The following DACH2 variants were observed in gnomAD, a reference collection of about 807,000 sequenced individuals.
DACH2 encodes the protein dachshund homolog 2.
DACH2 carries 17 observed loss-of-function variants against 35.8 expected under a neutral mutation model. The ratio of observed to expected loss-of-function variants is 0.48; its 90% CI spans 0.33 to 0.71. The LOEUF (loss-of-function observed/expected upper bound fraction) is 0.71, where lower values mean the gene tolerates loss of function less well. DACH2 is among the 30% of genes least tolerant of loss of function. The probability of loss-of-function intolerance (pLI) is 0.02; values close to 1 mark genes in which losing one functional copy is unlikely to be tolerated. For missense variants in DACH2, 469 were observed against 472.7 expected, an observed-to-expected ratio of 0.99 and a Z score of 0.07; for synonymous variants, 195 against 177.3, an observed-to-expected ratio of 1.10 and a Z score of -0.79.
intron 2 of DACH2, among the ~76,000 whole-genome samples, chrX:86,496,262 AACTAATTCTTTTAT>A (rs1390771217): frequency 1.7e-4 from 19 of 112,067 alleles, no homozygotes; most frequent in African/African-American, 5.8e-4. Context: ...AAATATAATA[AACTAATTCTTTTAT>A]ACTAATTCTT....
intron 2 of DACH2, among the ~76,000 whole-genome samples, chrX:86,479,386 G>A (rs1390706043): frequency 9.0e-6 from 1 of 110,624 alleles, no homozygotes; most frequent in African/African-American, 3.3e-5. Flanking sequence ...GTACCCCACC[G>A]TTTTCTACCC....
chrX:86,314,876 A>T (rs2034868112), intron 1 of DACH2, among the ~76,000 whole-genome samples: 1 of 112,261 alleles, frequency 8.9e-6, no homozygotes, highest in Admixed American at 9.5e-5. Context: ...TCAGTTCATG[A>T]GGACTTAAGG....
intron 6 of DACH2, among the ~76,000 whole-genome samples, chrX:86,723,655 A>T (rs2148467241): frequency 8.9e-6 from 1 of 111,803 alleles, no homozygotes; most frequent in Admixed American, 9.5e-5. Flanking sequence ...GTCTGAGAAG[A>T]TGCTGGATAT....
At chrX:86,758,164 T>C (rs2041846822) in intron 7 of DACH2, among the ~76,000 whole-genome samples, 1 of 111,679 alleles carries the variant, frequency 9.0e-6, no homozygotes, top group African/African-American at 3.3e-5. Flanking sequence ...TCCTGGTTAA[T>C]GTAGCAAGTG....
At chrX:86,300,287 A>G (rs1212248689) in intron 1 of DACH2, among the ~76,000 whole-genome samples, 1 of 112,153 alleles carries the variant, frequency 8.9e-6, no homozygotes, top group Non-Finnish European at 1.9e-5. Context: ...ATTTAATTTC[A>G]TACTGATAAA....
chrX:86,585,270 G>A (rs181505320), intron 3 of DACH2, among the ~76,000 whole-genome samples: 132 of 111,006 alleles, frequency 1.2e-3, no homozygotes, highest in African/African-American at 4.0e-3. Context: ...ACATTCTCAC[G>A]ATCATTGTAA....
At chrX:86,594,282 T>A (rs1402695935) in intron 3 of DACH2, among the ~76,000 whole-genome samples, 2 of 111,902 alleles carry the variant, frequency 1.8e-5, no homozygotes, top group African/African-American at 6.5e-5. Flanking sequence ...GTTTTATTGA[T>A]TTTTTTCAGA....
chrX:86,617,411 C>T (rs2040018699), intron 3 of DACH2, among the ~76,000 whole-genome samples: 3 of 110,954 alleles, frequency 2.7e-5, no homozygotes, highest in Admixed American at 9.6e-5. Context: ...GCTACAAGCA[C>T]GAGATGTTTT....
At chrX:86,519,547 CTATT>C (rs1415312295) in intron 3 of DACH2, among the ~76,000 whole-genome samples, 3 of 111,347 alleles carry the variant, frequency 2.7e-5, no homozygotes, top group Admixed American at 9.5e-5. Flanking sequence ...GGTTGGGAGG[CTATT>C]TATTATGGAT....
chrX:86,206,942 T>G (rs112064187), intron 1 of DACH2, among the ~76,000 whole-genome samples: 2 of 111,872 alleles, frequency 1.8e-5, no homozygotes, highest in African/African-American at 6.5e-5. Flanking sequence ...TAAATCTTTT[T>G]TGTAATACAT....
At chrX:86,721,478 A>G (rs1926138446) in intron 6 of DACH2, among the ~76,000 whole-genome samples, 1 of 111,407 alleles carries the variant, frequency 9.0e-6, no homozygotes, top group Non-Finnish European at 1.9e-5. Flanking sequence ...TTTTATCTCC[A>G]TCTAAGACCA....
Position 86,527,447 on chromosome X carries a change from G to T in DACH2, c.640+13056G>T, listed in dbSNP as rs2038650290. ...ATTTTATATAAAGAGATTATGTAGA[G>T]AATGCACTATTTTTTGTCTGACTTC... On this transcript the variant is annotated intron_variant, in intron 3 of 11. Transcript: ENST00000373125. Among the ~76,000 whole-genome samples the T allele has an allele frequency of 5.3e-5, 6 of 112,185 alleles. No homozygotes were observed. In the South Asian group the frequency reaches 1.8e-3, roughly 34 times the overall value.
intron 3 of DACH2, among the ~76,000 whole-genome samples, chrX:86,547,878 G>C (rs2038997406): frequency 8.9e-6 from 1 of 112,168 alleles, no homozygotes; most frequent in African/African-American, 3.2e-5. Context: ...GAAAGCTGCT[G>C]TTCTTGTTAC....
At chrX:86,732,625 A>G (rs1206113372) in intron 6 of DACH2, among the ~76,000 whole-genome samples, 1 of 111,976 alleles carries the variant, frequency 8.9e-6, no homozygotes, top group Non-Finnish European at 1.9e-5. Flanking sequence ...GTCCCAATGA[A>G]ATGGAGATGC....
At chrX:86,533,329 A>G (rs2038751163) in intron 3 of DACH2, among the ~76,000 whole-genome samples, 1 of 111,107 alleles carries the variant, frequency 9.0e-6, no homozygotes, top group Non-Finnish European at 1.9e-5. Context: ...CTTGCTTGAA[A>G]CTCTTCTATG....
intron 2 of DACH2, among the ~76,000 whole-genome samples, chrX:86,464,748 G>A (rs2037636709): frequency 9.0e-6 from 1 of 111,079 alleles, no homozygotes; most frequent in Non-Finnish European, 1.9e-5. Flanking sequence ...TGAGGTAATA[G>A]GTATAGATAT....
At chrX:86,377,963 G>A (rs1010308463) in intron 2 of DACH2, among the ~76,000 whole-genome samples, 3 of 110,487 alleles carry the variant, frequency 2.7e-5, no homozygotes, top group African/African-American at 9.8e-5. Context: ...TGATATCAAT[G>A]CTGGGGAGAC....
intron 2 of DACH2, among the ~76,000 whole-genome samples, chrX:86,423,567 C>T (rs1375000921): frequency 9.3e-6 from 1 of 107,943 alleles, no homozygotes; most frequent in Non-Finnish European, 1.9e-5. Flanking sequence ...TATATTCTAC[C>T]CTTTTCAGAT....
At chrX:86,820,133 C>A (rs2042495590) in intron 11 of DACH2, among the ~76,000 whole-genome samples, 2 of 111,479 alleles carry the variant, frequency 1.8e-5, no homozygotes, top group South Asian at 7.4e-4. Flanking sequence ...TCATAAAGTA[C>A]AAGGGCACAG....
Sources: allele counts gnomAD v4.1 joint callset (sites outside exome capture counted in the v4.1 genomes callset), GRCh38; gene constraint gnomAD v4.1.1; transcripts MANE v1.5; gene names NCBI Gene and HGNC (gene_info 2026-07-23, HGNC 2026-07-21).